The following ROBO2 variants were observed in gnomAD, a reference collection of about 807,000 sequenced individuals.
The protein encoded by ROBO2 is roundabout homolog 2.
A neutral mutation model predicts 160.8 loss-of-function variants in ROBO2; 53 were observed. The observed-to-expected ratio is 0.33, with a 90% CI of 0.26 to 0.41. ROBO2 has a LOEUF of 0.41. Ranked by LOEUF, ROBO2 falls within the 10% of genes least tolerant of loss-of-function variation. The pLI is 1.00. For synonymous variants in ROBO2, 664 were observed against 611.7 expected (o/e 1.09, Z -1.26); for missense variants, 1,577 against 1,722.4 (o/e 0.92, Z 1.49).
chr3:76,998,824 A>G (rs185234814), intron 2 of ROBO2, among the ~76,000 whole-genome samples: 1 of 152,192 alleles, frequency 6.6e-6, no homozygotes, highest in Non-Finnish European at 1.5e-5. Flanking sequence ...CACTGCAGAC[A>G]GGCTTGCCAA....
Position 76,555,425 on chromosome 3 carries a change from G to GAGAA in ROBO2, c.110-542588_110-542585dup, listed in dbSNP as rs1553799597. On this transcript the variant is annotated intron_variant, in intron 2 of 26. Coordinates refer to the ROBO2 transcript ENST00000487694. Reference sequence around the variant, plus strand: ...AAGAAGAAGAAGAAGAAGAAAGAAGGAGAAGGGGAAGGGGAAGAGGAAGAG... The same window carrying GAGAA: ...AAGAAGAAGAAGAAGAAGAAAGAAGGAGAAAGAAGGGGAAGGGGAAGAGGAAGAG... 4.4e-5 allele frequency among the ~76,000 whole-genome samples: 3 copies of GAGAA among 68,542 alleles called. No homozygotes were observed. In the East Asian group the frequency reaches 1.8e-3, roughly 42 times the overall value. 45.0% of individuals were successfully genotyped at this position (68,542 alleles called of 152,430 possible). A position where few individuals can be genotyped will look rare whatever the true frequency, so the allele number is the denominator to read the frequency against.
At chr3:76,418,995 C>A (rs998792139) in intron 2 of ROBO2, among the ~76,000 whole-genome samples, 1 of 128,534 alleles carries the variant, frequency 7.8e-6, no homozygotes, top group African/African-American at 2.5e-5. Context: ...CCATTGCAAC[C>A]ACATTTTAAT....
chr3:77,156,783 TATTC>T (rs1579467688), intron 2 of ROBO2, among the ~76,000 whole-genome samples: 1 of 150,466 alleles, frequency 6.6e-6, no homozygotes. Context: ...TATATAAAAA[TATTC>T]ATTAGAATAT....
At chr3:77,557,168 G>A (rs981277926) in intron 8 of ROBO2, among the ~76,000 whole-genome samples, 6 of 151,792 alleles carry the variant, frequency 4.0e-5, no homozygotes, top group Admixed American at 1.3e-4. Flanking sequence ...TAAATAAAAA[G>A]CAATACTAAG....
At chr3:76,005,837 T>C (rs1195479312) in intron 2 of ROBO2, among the ~76,000 whole-genome samples, 2 of 152,226 alleles carry the variant, frequency 1.3e-5, no homozygotes, top group East Asian at 1.9e-4. Context: ...CATTCAAATA[T>C]GTAAGGCATT....
chr3:76,399,969 T>C (rs924065635), intron 2 of ROBO2, among the ~76,000 whole-genome samples: 53 of 151,742 alleles, frequency 3.5e-4, no homozygotes, highest in African/African-American at 1.2e-3. Flanking sequence ...CTCCATAAAT[T>C]CAGGGTGTGA....
At chr3:76,823,095 T>C (rs1190493964) in intron 2 of ROBO2, among the ~76,000 whole-genome samples, 1 of 152,140 alleles carries the variant, frequency 6.6e-6, no homozygotes, top group Non-Finnish European at 1.5e-5. Flanking sequence ...ATGTATACAT[T>C]CATCCTTTGC....
At chr3:77,639,952 G>A (rs1175762696) in intron 24 of ROBO2, among the ~76,000 whole-genome samples, 1 of 152,164 alleles carries the variant, frequency 6.6e-6, no homozygotes, top group African/African-American at 2.4e-5. Flanking sequence ...GTTAACAAAG[G>A]TTGGATTTTG....
intron 2 of ROBO2, among the ~76,000 whole-genome samples, chr3:77,311,812 C>T (rs1298534224): frequency 1.3e-5 from 2 of 152,160 alleles, no homozygotes; most frequent in African/African-American, 2.4e-5. Context: ...CAGGGCCGGG[C>T]GCAGTGGGTC....
At chr3:77,570,944 A>G (rs1323210239) in intron 13 of ROBO2, among the ~76,000 whole-genome samples, 1 of 152,036 alleles carries the variant, frequency 6.6e-6, no homozygotes. Context: ...ACTTGAAACA[A>G]TAGTTAGCAA....
intron 2 of ROBO2, among the ~76,000 whole-genome samples, chr3:76,984,470 T>C (rs969314112): frequency 2.0e-5 from 3 of 152,190 alleles, no homozygotes; most frequent in Non-Finnish European, 2.9e-5. Flanking sequence ...GAGCCTATTG[T>C]TCTCCAAGAG....
At chr3:76,984,460 G>A (rs2060263649) in intron 2 of ROBO2, among the ~76,000 whole-genome samples, 1 of 152,172 alleles carries the variant, frequency 6.6e-6, no homozygotes, top group Non-Finnish European at 1.5e-5. Context: ...GACCTTCACT[G>A]AGCCTATTGT....
intron 2 of ROBO2, among the ~76,000 whole-genome samples, chr3:76,631,418 C>T (rs2090022370): frequency 6.7e-6 from 1 of 150,196 alleles, no homozygotes; most frequent in Admixed American, 6.6e-5. Flanking sequence ...CTCTAGTGTA[C>T]GGGTAGAAAA....
chr3:76,834,315 G>T (rs1487348373), intron 2 of ROBO2, among the ~76,000 whole-genome samples: 1 of 151,136 alleles, frequency 6.6e-6, no homozygotes, highest in African/African-American at 2.4e-5. Context: ...AGCTTCCCAA[G>T]TAGCTGTAAC....
chr3:77,106,744 A>G (rs1303061849), intron 2 of ROBO2, among the ~76,000 whole-genome samples: 1 of 152,152 alleles, frequency 6.6e-6, no homozygotes, highest in Non-Finnish European at 1.5e-5. Flanking sequence ...ATTAGAATTG[A>G]TTTTTCCTCT....
At chr3:77,441,701 T>C (rs2079938827) in intron 2 of ROBO2, among the ~76,000 whole-genome samples, 1 of 152,186 alleles carries the variant, frequency 6.6e-6, no homozygotes, top group Admixed American at 6.5e-5. Flanking sequence ...TAAATGTCTT[T>C]AGTCAAGGTT....
At chr3:76,685,954 G>C (rs995326295) in intron 2 of ROBO2, among the ~76,000 whole-genome samples, 2 of 152,076 alleles carry the variant, frequency 1.3e-5, no homozygotes, top group Admixed American at 6.6e-5. Context: ...TTGGAAGGTA[G>C]AAAACATGGC....
intron 2 of ROBO2, among the ~76,000 whole-genome samples, chr3:77,278,421 G>A (rs1037461059): frequency 6.6e-6 from 1 of 152,078 alleles, no homozygotes; most frequent in African/African-American, 2.4e-5. Flanking sequence ...GTACAGTGTT[G>A]CTAGAAAATA....
At chr3:77,571,266 T>A (rs1035042420) in intron 13 of ROBO2, among the ~76,000 whole-genome samples, 22 of 152,024 alleles carry the variant, frequency 1.4e-4, no homozygotes, top group African/African-American at 5.1e-4. Flanking sequence ...TATATTGAGT[T>A]GTTATGTTGT....
Sources: gnomAD v4.1 joint callset for allele counts (sites outside exome capture counted in the v4.1 genomes callset) on GRCh38, gnomAD v4.1.1 for gene constraint, MANE v1.5 for transcripts, NCBI Gene and HGNC (gene_info 2026-07-23, HGNC 2026-07-21) for gene names.